Variants in RARA observed in about 807,000 individuals in gnomAD.
The protein encoded by RARA is PML-DDX5-RARA fusion.
Under a neutral mutation model 42.8 loss-of-function variants are expected in RARA, and 5 were observed. That is an observed-to-expected ratio of 0.12 (90% CI 0.06 to 0.25). The LOEUF is 0.25. Ranked by LOEUF, RARA falls within the 10% of genes least tolerant of loss-of-function variation. The pLI, the probability that RARA is intolerant of heterozygous loss-of-function variation, is 1.00. For synonymous variants in RARA, 256 were observed against 259.5 expected (o/e 0.99, Z 0.13); for missense variants, 402 against 628.7 (o/e 0.64, Z 3.86).
At position 40,319,120 on chromosome 17, in the gene RARA, C is replaced by T. The variant is rs2033296026; in HGVS notation, c.-363+9834C>T. ...GCTGAGGGTGTCTGGGACCTGGTGC[C>T]ACCCACGAGGCTTGGAAGCTGCTGG... On this transcript the variant is annotated intron_variant, in intron 1 of 8. Coordinates refer to ENST00000254066, the MANE Select transcript of RARA (RefSeq NM_000964.4). Among the ~76,000 whole-genome samples, 7 of 152,184 alleles carry T rather than the reference C, an allele frequency of 4.6e-5. No homozygotes were observed. The South Asian group carries it at 1.5e-3, about 32-fold the overall frequency.
chr17:40,316,843 G>C (rs2033224863), intron 1 of RARA, among the ~76,000 whole-genome samples: 1 of 152,046 alleles, frequency 6.6e-6, no homozygotes, highest in South Asian at 2.1e-4. Context: ...GGTTCGCACC[G>C]GCGGACGGAA....
rs2034341186 is a variant in RARA, at chr17:40,348,523, T to G, written c.327+59T>G. On this transcript the variant is annotated intron_variant, in intron 3 of 8. Coordinates refer to ENST00000254066, the MANE Select transcript of RARA (RefSeq NM_000964.4). Reference sequence around the variant, plus strand: ...GATGAGGTCAATGGGATGTCCCCACTTCTGTGTCCTGGGAGTGTGCAGTTG... The same window carrying G: ...GATGAGGTCAATGGGATGTCCCCACGTCTGTGTCCTGGGAGTGTGCAGTTG... 5 of 1,565,234 alleles carry G rather than the reference T, an allele frequency of 3.2e-6. No homozygotes were observed. The South Asian group carries it at 5.8e-5, about 18-fold the overall frequency.
chr17:40,355,181 T>C lies in RARA; in HGVS notation c.1013-82T>C, dbSNP rs2034577360. 5 of 1,475,896 alleles carry C rather than the reference T, an allele frequency of 3.4e-6. No homozygotes were observed. Among genetic ancestry groups the C allele is most frequent in the Middle Eastern group, 2.5e-4 (1 of 4,080 alleles). 91.4% of individuals were successfully genotyped at this position (1,475,896 alleles called of 1,614,324 possible). On this transcript the variant is annotated intron_variant, in intron 7 of 8. Transcript: ENST00000254066. This position sits in a 1 kb window ranked among gnomAD's most constrained non-coding sequence, Gnocchi z 4.1. Reference sequence around the variant, plus strand: ...CTGCGAGCTGCCCTCCTCCATGGCCTGGGCAGGCACGCCCCCCGGTGGCCG... The same window carrying C: ...CTGCGAGCTGCCCTCCTCCATGGCCCGGGCAGGCACGCCCCCCGGTGGCCG...
intron 2 of RARA, chr17:40,342,052 A>T: frequency 3.8e-6 from 4 of 1,048,748 alleles, no homozygotes; most frequent in Non-Finnish European, 4.6e-6. Flanking sequence ...CTGCAGCCGG[A>T]CGCGCCGGGA....
At chr17:40,328,679 T>G (rs569990610) in intron 1 of RARA, among the ~76,000 whole-genome samples, 1 of 152,360 alleles carries the variant, frequency 6.6e-6, no homozygotes, top group Admixed American at 6.5e-5. Context: ...ATAAATGGAA[T>G]CCTACAATAC....
Position 40,354,624 on chromosome 17 carries a change from T to A in RARA, c.1012+118T>A, listed in dbSNP as rs1428652678. The A allele has an allele frequency of 8.0e-7, 1 of 1,242,386 alleles. No homozygotes were observed. The highest frequency in any genetic ancestry group is 1.5e-5 in the African/African-American group (1 of 66,682). 77.0% of individuals were successfully genotyped at this position (1,242,386 alleles called of 1,614,324 possible). On this transcript the variant is annotated intron_variant, in intron 7 of 8. Transcript: ENST00000254066. This position sits in a 1 kb window ranked among gnomAD's most constrained non-coding sequence, Gnocchi z 4.5. ...GGTATCTCTAGAGGGCAGGGTCTGG[T>A]CTGCAACTACACAGCAAGGGGGCCA... is the stretch of plus-strand genomic sequence containing the variant.
At position 40,352,020 on chromosome 17, in the gene RARA, GC is replaced by G; in HGVS notation, c.581del (p.Ala194GlyfsTer76). 1 of 1,589,606 alleles carries G rather than the reference GC, an allele frequency of 6.3e-7. No homozygotes were observed. The highest frequency in any genetic ancestry group is 8.5e-7 in the Non-Finnish European group (1 of 1,172,772). On this transcript the variant is annotated frameshift_variant, in exon 5 of 9. Transcript: ENST00000254066. LOFTEE classifies it high-confidence loss of function. This position sits in a 1 kb window ranked among gnomAD's most constrained non-coding sequence, Gnocchi z 4.9. Reference protein sequence around the residue: ...VGELIEKVRKAHQETFPALCQ... With the variant: ...VGELIEKVRKXHQETFPALCQ... ...GGAGCTCATTGAGAAGGTGCGCAAAGCGCACCAGGAAACCTTCCCTGCCCTC... is the reference window on the plus strand; with the variant it reads ...GGAGCTCATTGAGAAGGTGCGCAAAGGCACCAGGAAACCTTCCCTGCCCTC...
Position 40,356,149 on chromosome 17 carries a change from G to A in RARA, c.1312G>A (p.Ala438Thr). ...TGGGGGGCGGGACGGGGGTGGCCTG[G>A]CCCCCCCGCCAGGCAGCTGTAGCCC... ...GGGGRDGGGL[A>T]PPPGSCSPSL... is the part of the protein sequence containing the mutation. The change falls in exon 9 of 9, where the codon GCC becomes ACC. Residue 438 changes from alanine to threonine, a missense_variant. Coordinates refer to ENST00000254066, the MANE Select transcript of RARA (RefSeq NM_000964.4). The A allele has an allele frequency of 1.3e-6, 2 of 1,552,084 alleles. No homozygotes were observed. Among genetic ancestry groups the A allele is most frequent in the Non-Finnish European group, 1.7e-6 (2 of 1,147,422 alleles).
chr17:40,317,105 T>C (rs1239405148), intron 1 of RARA, among the ~76,000 whole-genome samples: 1 of 152,232 alleles, frequency 6.6e-6, no homozygotes, highest in Non-Finnish European at 1.5e-5. Flanking sequence ...GGACTCTCTT[T>C]CCTTGTTTGT....
At chr17:40,327,991 A>G (rs939454234) in intron 1 of RARA, among the ~76,000 whole-genome samples, 1 of 152,194 alleles carries the variant, frequency 6.6e-6, no homozygotes, top group African/African-American at 2.4e-5. Context: ...CTCTTTATTC[A>G]GGAGTGAGGA....
intron 1 of RARA, among the ~76,000 whole-genome samples, chr17:40,318,060 G>A (rs1464958995): frequency 6.6e-6 from 1 of 152,190 alleles, no homozygotes; most frequent in African/African-American, 2.4e-5. Flanking sequence ...GGATTCCCAC[G>A]GTCCAGTCTT....
intron 1 of RARA, among the ~76,000 whole-genome samples, chr17:40,324,975 G>A (rs979569430): frequency 1.3e-5 from 2 of 152,036 alleles, no homozygotes; most frequent in African/African-American, 4.8e-5. Flanking sequence ...TGGGCTGGCC[G>A]GGCGTGGTGG....
intron 1 of RARA, among the ~76,000 whole-genome samples, chr17:40,327,381 A>G (rs978250266): frequency 2.0e-5 from 3 of 152,186 alleles, no homozygotes; most frequent in Non-Finnish European, 4.4e-5. Context: ...ACCTTGAGAG[A>G]GGCAGGCCTC....
At chr17:40,349,680 G>A in intron 3 of RARA, 104 bp from the exon 4 acceptor site, 1 of 1,456,886 alleles carries the variant, frequency 6.9e-7, no homozygotes, top group Non-Finnish European at 9.4e-7. Context: ...CAAACGCTTG[G>A]GGGCAGCAGC....
chr17:40,342,223 C>T lies in RARA; in HGVS notation c.179-6093C>T, dbSNP rs1023585309. ...TGCCCCTGGCCTGGCGGGGGCGGAA[C>T]CGCGCGGGATCCCCACCCCCACCCG... On this transcript the variant is annotated intron_variant, in intron 2 of 8. Transcript: ENST00000254066. The T allele has an allele frequency of 1.2e-5, 13 of 1,055,200 alleles. No individual in the cohort carries two copies. The African/African-American group carries it at 2.2e-4, about 17-fold the overall frequency. 65.4% of individuals were successfully genotyped at this position (1,055,200 alleles called of 1,614,324 possible).
At position 40,352,261 on chromosome 17, in the gene RARA, G is replaced by A. The variant is rs2143501502; in HGVS notation, c.631-70G>A. Reference sequence around the variant, plus strand: ...TGAAGGCTGGGTAGAGGGCAGGCCTGTGGGGGCTGGAGCCAGGCTGAGAAG... The same window carrying A: ...TGAAGGCTGGGTAGAGGGCAGGCCTATGGGGGCTGGAGCCAGGCTGAGAAG... On this transcript the variant is annotated intron_variant, in intron 5 of 8. Transcript: ENST00000254066. The surrounding 1 kb of genome is among the most constrained non-coding windows in gnomAD (Gnocchi z 4.9). 2 of 1,536,312 alleles carry A rather than the reference G, an allele frequency of 1.3e-6. No individual in the cohort carries two copies. The highest frequency in any genetic ancestry group is 1.9e-5 in the Admixed American group (1 of 51,722).
At chr17:40,312,539 C>T (rs375351671) in intron 1 of RARA, among the ~76,000 whole-genome samples, 24 of 152,294 alleles carry the variant, frequency 1.6e-4, no homozygotes, top group African/African-American at 3.9e-4. Flanking sequence ...CAGAAAAGCA[C>T]GGGGCAGGCA....
Position 40,331,193 on chromosome 17 carries a change from C to T in RARA, c.-26C>T, listed in dbSNP as rs778106143. On this transcript the variant is annotated 5_prime_UTR_variant, in exon 2 of 9. Coordinates refer to ENST00000254066, the MANE Select transcript of RARA (RefSeq NM_000964.4). ...CAGAGCCCCCTGCCAGACTGTCTGC[C>T]TCCCTTCTGACTGTGGCCGCTTGGC... 3.1e-6 allele frequency: 5 copies of T among 1,591,846 alleles called. No homozygotes were observed. The highest frequency in any genetic ancestry group is 1.3e-5 in the African/African-American group (1 of 74,678).
intron 2 of RARA, chr17:40,341,124 A>G (rs1703525941): frequency 2.4e-6 from 1 of 412,830 alleles, no homozygotes; most frequent in South Asian, 1.0e-4. Flanking sequence ...GGACCTACCC[A>G]AGCTAGGCCT....
Sources: allele counts gnomAD v4.1 joint callset (sites outside exome capture counted in the v4.1 genomes callset), GRCh38; gene constraint gnomAD v4.1.1; non-coding constraint Gnocchi (gnomAD v3.1); transcripts MANE v1.5; gene names NCBI Gene and HGNC (gene_info 2026-07-23, HGNC 2026-07-21).